Variants in CFAP298 observed in about 807,000 individuals in gnomAD.
CFAP298 encodes cilia- and flagella-associated protein 298.
CFAP298 carries 38 observed loss-of-function variants against 41.0 expected under a neutral mutation model. The ratio of observed to expected loss-of-function variants is 0.93; its 90% CI spans 0.72 to 1.22. The LOEUF is 1.22. Ranked by LOEUF, CFAP298 falls within the 50% of genes most tolerant of loss-of-function variation. The probability of loss-of-function intolerance (pLI) is 0.00; values close to 1 mark genes in which losing one functional copy is unlikely to be tolerated. For synonymous variants in CFAP298, 137 were observed against 135.3 expected, an observed-to-expected ratio of 1.01 and a Z score of -0.09; for missense variants, 348 against 360.3, an observed-to-expected ratio of 0.97 and a Z score of 0.28.
At chr21:32,602,101 T>A (rs1271605938) in intron 6 of CFAP298, 128 bp from the exon 7 acceptor site, 2 of 855,526 alleles carry the variant, frequency 2.3e-6, no homozygotes, top group Admixed American at 2.0e-5. Flanking sequence ...TACTGCCATG[T>A]CTAACACCAG....
intron 3 of CFAP298, 41 bp downstream of exon 3, chr21:32,607,608 A>C: frequency 7.6e-7 from 1 of 1,316,356 alleles, no homozygotes; most frequent in Non-Finnish European, 1.1e-6. Flanking sequence ...AAAAAAAAAA[A>C]AAACCCAACA....
chr21:32,604,444 C>T (rs1825349481), intron 3 of CFAP298, 161 bp from the exon 4 acceptor site: 11 of 722,826 alleles, frequency 1.5e-5, no homozygotes, highest in Middle Eastern at 2.5e-4. Flanking sequence ...AGGGGCTGAG[C>T]GAAGCACACC....
chr21:32,609,708 T>A, intron 2 of CFAP298, 130 bp downstream of exon 2: 1 of 739,008 alleles, frequency 1.4e-6, no homozygotes, highest in Admixed American at 3.0e-5. Flanking sequence ...GAGGTGGCAG[T>A]GAGCTGAGAT....
At chr21:32,607,450 C>T (rs891347799) in intron 3 of CFAP298, among the ~76,000 whole-genome samples, 199 bp downstream of exon 3, 1 of 151,836 alleles carries the variant, frequency 6.6e-6, no homozygotes, top group Non-Finnish European at 1.5e-5. Context: ...AAAATTAGCT[C>T]GGCATGGTGG....
At chr21:32,603,394 G>T (rs954537062) in intron 4 of CFAP298, 102 bp from the exon 5 acceptor site, 2 of 1,298,302 alleles carry the variant, frequency 1.5e-6, no homozygotes, top group Non-Finnish European at 2.2e-6. Context: ...ATTTCTCCCC[G>T]TGCTCACCAT....
At position 32,605,106 on chromosome 21, in the gene CFAP298, G is replaced by A. The variant is rs1169610072; in HGVS notation, c.376-823C>T. Among the ~76,000 whole-genome samples the A allele has an allele frequency of 2.0e-5, 3 of 152,338 alleles. No homozygotes were observed. The East Asian group carries it at 5.8e-4, about 29-fold the overall frequency. On this transcript the variant is annotated intron_variant, in intron 3 of 6. Transcript: ENST00000290155. ...AGGCAGGACAATTGCTTGAGCCTGG[G>A]AGGCAGAGGTTGGAGTAAGCCAAAA...
Position 32,599,817 on chromosome 21 carries a change from C to A in CFAP298, c.*2046G>T, listed in dbSNP as rs1436559407. On this transcript the variant is annotated 3_prime_UTR_variant, in exon 7 of 7. Coordinates refer to ENST00000290155, the MANE Select transcript of CFAP298 (RefSeq NM_021254.4). ...TGAGATCTGCTGCACCCAAACACAC[C>A]AAGCTCAGAGAGGCTTTTGAGGCAG... is the stretch of plus-strand genomic sequence containing the variant. Among the ~76,000 whole-genome samples, 3 of 152,198 alleles carry A rather than the reference C, an allele frequency of 2.0e-5. No individual in the cohort carries two copies. Among genetic ancestry groups the A allele is most frequent in the Non-Finnish European group, 4.4e-5 (3 of 68,040 alleles).
At position 32,601,766 on chromosome 21, in the gene CFAP298, C is replaced by A. The variant is rs2038743827; in HGVS notation, c.*97G>T. The A allele has an allele frequency of 1.1e-5, 7 of 651,626 alleles. No individual in the cohort carries two copies. The South Asian group carries it at 1.3e-4, about 12-fold the overall frequency. The allele number at this position is 651,626 out of a possible 1,614,324, so 40.4% of individuals were successfully genotyped here. A position where few individuals can be genotyped will look rare whatever the true frequency, so the allele number is the denominator to read the frequency against. Reference sequence around the variant, plus strand: ...AAACTAGAAATGTTAACATCTTTTACAGAGGGCAGTAAGTGGCCTTTTTTT... The same window carrying A: ...AAACTAGAAATGTTAACATCTTTTAAAGAGGGCAGTAAGTGGCCTTTTTTT... On this transcript the variant is annotated 3_prime_UTR_variant, in exon 7 of 7. Transcript: ENST00000290155.
At chr21:32,611,249 A>C (rs2038984640) in intron 1 of CFAP298, among the ~76,000 whole-genome samples, 1 of 149,404 alleles carries the variant, frequency 6.7e-6, no homozygotes, top group Admixed American at 6.7e-5. Context: ...GGTTGCAGTG[A>C]GCAGAGATCG....
At chr21:32,602,628 G>C in intron 5 of CFAP298, 1 of 1,298,340 alleles carries the variant, frequency 7.7e-7, no homozygotes, top group Non-Finnish European at 9.8e-7. Flanking sequence ...ACTGCAGGCA[G>C]GTCCAGTGGG....
At position 32,604,233 on chromosome 21, in the gene CFAP298, G is replaced by C. The variant is rs371124132; in HGVS notation, c.426C>G (p.Ala142=). The change falls in exon 4 of 7, where the codon GCC becomes GCG. Residue 142 remains alanine, a synonymous_variant. Coordinates refer to ENST00000290155, the MANE Select transcript of CFAP298 (RefSeq NM_021254.4). ...VCVTMEMVKD[A]LDQLRGAVMI... ...TCACCGCGCCTCGAAGCTGGTCCAA[G>C]GCATCTTTCACCATCTCCATGGTAA... The C allele has an allele frequency of 1.9e-6, 3 of 1,614,062 alleles. No homozygotes were observed. The highest frequency in any genetic ancestry group is 8.5e-7 in the Non-Finnish European group (1 of 1,180,032).
At position 32,607,533 on chromosome 21, in the gene CFAP298, T is replaced by C. The variant is rs113142611; in HGVS notation, c.375+116A>G. 448 of 598,012 alleles carry C rather than the reference T, an allele frequency of 7.5e-4. 3 individuals are homozygous for C. In the African/African-American group the frequency reaches 7.7e-3, roughly 10 times the overall value. The allele number at this position is 598,012 out of a possible 1,614,324, so 37.0% of individuals were successfully genotyped here. On this transcript the variant is annotated intron_variant, in intron 3 of 6. Transcript: ENST00000290155. ...GCTTGAACCCAGGAGGTGGAGGTTG[T>C]GGTGAGCCGAGATCGCACCATTGCA...
chr21:32,607,962 T>A (rs1197984263), intron 2 of CFAP298, among the ~76,000 whole-genome samples: 2 of 152,122 alleles, frequency 1.3e-5, no homozygotes, highest in Non-Finnish European at 2.9e-5. Flanking sequence ...GAAATGCATG[T>A]CGTTGGGTAA....
At chr21:32,604,606 G>A (rs1310545196) in intron 3 of CFAP298, 2 of 300,570 alleles carry the variant, frequency 6.7e-6, no homozygotes, top group South Asian at 8.3e-5. Flanking sequence ...CACCGCAGGT[G>A]GGCCTCGAAA....
At position 32,607,682 on chromosome 21, in the gene CFAP298, CTTCT is replaced by C. The variant is rs1357257292; in HGVS notation, c.338_341del (p.Lys113ArgfsTer3). On this transcript the variant is annotated frameshift_variant, in exon 3 of 7. Transcript: ENST00000290155. LOFTEE classifies it high-confidence loss of function. ...TTATTGCTTTGGCTTCTTCTATAGT[CTTCT>C]TTAACACTTGCTTCATCTTCTCATT... is the stretch of plus-strand genomic sequence containing the variant. 21 of 1,598,700 alleles carry C rather than the reference CTTCT, an allele frequency of 1.3e-5. No individual in the cohort carries two copies. The highest frequency in any genetic ancestry group is 1.8e-5 in the Non-Finnish European group (21 of 1,170,146).
chr21:32,602,497 A>C, intron 5 of CFAP298, 130 bp from the exon 6 acceptor site: 1 of 1,449,676 alleles, frequency 6.9e-7, no homozygotes, highest in African/African-American at 1.4e-5. Flanking sequence ...ATGTCTGATC[A>C]CCCGAAGTGA....
chr21:32,603,909 C>G (rs1305945728), intron 4 of CFAP298, among the ~76,000 whole-genome samples: 1 of 152,182 alleles, frequency 6.6e-6, no homozygotes, highest in Admixed American at 6.5e-5. Flanking sequence ...CAAACTGCGT[C>G]CACTGCCTCC....
Position 32,612,131 on chromosome 21 carries a change from C to G in CFAP298, c.113G>C (p.Arg38Pro), listed in dbSNP as rs1304051762. 59 of 1,564,048 alleles carry G rather than the reference C, an allele frequency of 3.8e-5. No individual in the cohort carries two copies. The highest frequency in any genetic ancestry group is 4.9e-5 in the Non-Finnish European group (57 of 1,154,706). Residue 38 changes from arginine (R) to proline (P), a missense_variant, in exon 1 of 7, where the codon CGG becomes CCG. Coordinates refer to ENST00000290155, the MANE Select transcript of CFAP298 (RefSeq NM_021254.4). ...TGAGCAGAGGCGCTGCACCTTGAGC[C>G]GCCCATTATAGACCCGGGCCACCTG... ...TVQVARVYNGRLKVQRLCSEM... is the reference protein window; with the variant it reads ...TVQVARVYNGPLKVQRLCSEM...
rs368281904 is a variant in CFAP298, at chr21:32,605,448, C to A, written c.376-1165G>T. 7.6e-4 allele frequency among the ~76,000 whole-genome samples: 115 copies of A among 152,304 alleles called. 1 individual carries two copies. The highest frequency in any genetic ancestry group is 2.6e-3 in the African/African-American group (107 of 41,580). ...GGCTGGCCGTGCCTGGGAGACCAAG[C>A]ACATAATTAGAGGGTTGGAGCTTTC... On this transcript the variant is annotated intron_variant, in intron 3 of 6. Coordinates refer to ENST00000290155, the MANE Select transcript of CFAP298 (RefSeq NM_021254.4).
Sources: gnomAD v4.1 joint callset for allele counts (sites outside exome capture counted in the v4.1 genomes callset) on GRCh38, gnomAD v4.1.1 for gene constraint, MANE v1.5 for transcripts, NCBI Gene and HGNC (gene_info 2026-07-23, HGNC 2026-07-21) for gene names.